The following DIP2C variants were observed in gnomAD, a reference collection of about 807,000 sequenced individuals.
DIP2C encodes the protein DIP2 acetate--CoA ligase C (putative).
DIP2C carries 33 observed loss-of-function variants against 192.4 expected under a neutral mutation model. The observed-to-expected ratio is 0.17, with a 90% CI of 0.13 to 0.23. DIP2C has a LOEUF of 0.23. Ranked by LOEUF, DIP2C falls within the 10% of genes least tolerant of loss-of-function variation. The pLI, the probability that DIP2C is intolerant of heterozygous loss-of-function variation, is 1.00. For missense variants in DIP2C, 1,537 were observed against 2,110.1 expected (o/e 0.73, Z 5.32); for synonymous variants, 979 against 864.1 (o/e 1.13, Z -2.33).
At chr10:647,390 G>A (rs1212338930) in intron 1 of DIP2C, among the ~76,000 whole-genome samples, 2 of 150,968 alleles carry the variant, frequency 1.3e-5, no homozygotes, top group Admixed American at 6.6e-5. Flanking sequence ...CTGAGTCCAC[G>A]TCCACATTGG....
intron 1 of DIP2C, among the ~76,000 whole-genome samples, chr10:547,107 C>T (rs1415999915): frequency 1.3e-5 from 2 of 152,176 alleles, no homozygotes; most frequent in Non-Finnish European, 2.9e-5. Flanking sequence ...GGAAGACGCA[C>T]CTCTGCATAC....
At chr10:667,742 C>T (rs1857185881) in intron 1 of DIP2C, 1 of 151,944 alleles carries the variant, frequency 6.6e-6, no homozygotes, top group African/African-American at 2.4e-5. Context: ...ACAATGCACT[C>T]ATACAGCACA....
intron 1 of DIP2C, among the ~76,000 whole-genome samples, chr10:585,248 G>A (rs985489475): frequency 7.2e-5 from 11 of 152,092 alleles, no homozygotes; most frequent in African/African-American, 2.4e-4. Context: ...CCCATCCCAC[G>A]CCACCCTGTT....
intron 17 of DIP2C, among the ~76,000 whole-genome samples, chr10:370,283 A>T (rs1960804306): frequency 6.6e-6 from 1 of 152,248 alleles, no homozygotes; most frequent in East Asian, 1.9e-4. Context: ...TCAGAAGACC[A>T]CTGCGCACAC....
chr10:522,632 C>T (rs1391013575), intron 1 of DIP2C, among the ~76,000 whole-genome samples: 9 of 152,270 alleles, frequency 5.9e-5, no homozygotes, highest in Non-Finnish European at 8.8e-5. Flanking sequence ...ACATAAGACA[C>T]GGACCATCTT....
chr10:348,615 G>T, intron 26 of DIP2C, 26 bp downstream of exon 26: 1 of 1,608,978 alleles, frequency 6.2e-7, no homozygotes, highest in Non-Finnish European at 8.5e-7. Context: ...GGCAGGTGGA[G>T]GCCCCGACAT....
intron 2 of DIP2C, among the ~76,000 whole-genome samples, chr10:485,622 C>T (rs957284643): frequency 1.3e-5 from 2 of 152,190 alleles, no homozygotes; most frequent in African/African-American, 4.8e-5. Context: ...AGGACCCGGA[C>T]GGGCCTCGGG....
intron 32 of DIP2C, among the ~76,000 whole-genome samples, chr10:301,434 A>G (rs1589425133): frequency 6.6e-6 from 1 of 152,184 alleles, no homozygotes; most frequent in South Asian, 2.1e-4. Context: ...GAGAAAAGGC[A>G]GCTGCAGCGG....
At chr10:429,165 G>A (rs1357026471) in intron 4 of DIP2C, among the ~76,000 whole-genome samples, 1 of 151,842 alleles carries the variant, frequency 6.6e-6, no homozygotes, top group East Asian at 1.9e-4. Context: ...GAGATCACAT[G>A]CTACTAAAAA....
rs149667604 is a variant in DIP2C at position 514,112 on chromosome 10, C to T, written c.86-27582G>A. On this transcript the variant is annotated intron_variant, in intron 1 of 36. Coordinates refer to ENST00000280886, the MANE Select transcript of DIP2C (RefSeq NM_014974.3). ...CATGTGTAACAGGAATGCTGGCCAC[C>T]TCGGGGGGACAGAGGCTTCCTGGTG... Among the ~76,000 whole-genome samples the T allele has an allele frequency of 1.6e-4, 25 of 152,324 alleles. 2 individuals are homozygous for T. In the East Asian group the frequency reaches 4.8e-3, roughly 29 times the overall value.
intron 24 of DIP2C, 166 bp downstream of exon 24, chr10:356,259 TA>T: frequency 1.3e-6 from 1 of 781,546 alleles, no homozygotes; most frequent in Non-Finnish European, 2.2e-6. Context: ...TGGTTACGTT[TA>T]AAAACAATCC....
At chr10:390,890 G>C in intron 10 of DIP2C, 27 bp from the exon 11 acceptor site, 2 of 1,612,462 alleles carry the variant, frequency 1.2e-6, no homozygotes, top group Non-Finnish European at 1.7e-6. Flanking sequence ...GAGGAGTTGA[G>C]AATCCACGAC....
At chr10:323,824 T>G (rs966678400) in intron 31 of DIP2C, among the ~76,000 whole-genome samples, 1 of 152,222 alleles carries the variant, frequency 6.6e-6, no homozygotes, top group African/African-American at 2.4e-5. Context: ...GTACATTTAA[T>G]GTACCAGGCA....
chr10:387,181 G>A (rs1031451032), intron 14 of DIP2C, among the ~76,000 whole-genome samples: 11 of 152,334 alleles, frequency 7.2e-5, no homozygotes, highest in African/African-American at 1.4e-4. Flanking sequence ...CCAAAAGTGC[G>A]GGAAGAAAGA....
intron 10 of DIP2C, among the ~76,000 whole-genome samples, chr10:397,152 C>G (rs186299421): frequency 6.6e-6 from 1 of 152,146 alleles, no homozygotes; most frequent in Non-Finnish European, 1.5e-5. Context: ...GCCACAAAGA[C>G]AGCTGAAGTT....
At chr10:390,141 AG>A (rs770356444) in intron 12 of DIP2C, 48 bp from the exon 13 acceptor site, 18 of 1,596,398 alleles carry the variant, frequency 1.1e-5, no homozygotes, top group Non-Finnish European at 1.5e-5. Context: ...AGGTCACGGC[AG>A]TTTTTCTGGT....
chr10:326,648 G>A (rs181076579), intron 31 of DIP2C, among the ~76,000 whole-genome samples: 1 of 152,256 alleles, frequency 6.6e-6, no homozygotes. Flanking sequence ...TCTTCCTACA[G>A]CGATCGTCTA....
intron 1 of DIP2C, among the ~76,000 whole-genome samples, chr10:613,906 A>AT (rs1853268472): frequency 6.6e-6 from 1 of 152,008 alleles, no homozygotes; most frequent in South Asian, 2.1e-4. Flanking sequence ...CACAGCTGGA[A>AT]ACACCTGACC....
At chr10:323,981 C>T (rs867434921) in intron 31 of DIP2C, among the ~76,000 whole-genome samples, 3 of 152,146 alleles carry the variant, frequency 2.0e-5, no homozygotes, top group Non-Finnish European at 4.4e-5. Context: ...TTCCAAAGAC[C>T]AGCTCTGCCT....
Sources: gnomAD v4.1 joint callset for allele counts (sites outside exome capture counted in the v4.1 genomes callset) on GRCh38, gnomAD v4.1.1 for gene constraint, MANE v1.5 for transcripts, NCBI Gene and HGNC (gene_info 2026-07-23, HGNC 2026-07-21) for gene names.